The following OPCML variants were observed in gnomAD, a reference collection of about 807,000 sequenced individuals.
OPCML encodes the protein opioid binding protein/cell adhesion molecule like.
OPCML carries 13 observed loss-of-function variants against 37.8 expected under a neutral mutation model. The ratio of observed to expected loss-of-function variants is 0.34; its 90% CI spans 0.22 to 0.55. The LOEUF (loss-of-function observed/expected upper bound fraction) is 0.55, where lower values mean the gene tolerates loss of function less well. OPCML is among the 20% of genes least tolerant of loss of function. OPCML has a pLI of 0.91. For missense variants in OPCML, 341 were observed against 435.6 expected (o/e 0.78, Z 1.93); for synonymous variants, 176 against 168.8 (o/e 1.04, Z -0.33).
At chr11:132,824,668 A>G (rs891754759) in intron 2 of OPCML, among the ~76,000 whole-genome samples, 25 of 152,178 alleles carry the variant, frequency 1.6e-4, no homozygotes, top group African/African-American at 6.0e-4. Flanking sequence ...CTGTGTGTTC[A>G]CACATTCCCC....
intron 2 of OPCML, among the ~76,000 whole-genome samples, chr11:132,921,699 C>G (rs1944809371): frequency 6.6e-6 from 1 of 152,128 alleles, no homozygotes; most frequent in South Asian, 2.1e-4. Context: ...TTATAAGACA[C>G]CCACAAACCC....
chr11:133,317,113 A>T (rs1943221112), intron 1 of OPCML, among the ~76,000 whole-genome samples: 1 of 152,180 alleles, frequency 6.6e-6, no homozygotes, highest in East Asian at 1.9e-4. Flanking sequence ...CCCAAGAATC[A>T]CCTGAACCCA....
chr11:133,287,156 T>A (rs1592168650), intron 1 of OPCML, among the ~76,000 whole-genome samples: 1 of 152,150 alleles, frequency 6.6e-6, no homozygotes, highest in African/African-American at 2.4e-5. Context: ...CATATAATTT[T>A]AAGTGTTCTA....
chr11:132,589,263 A>G (rs2096480050), intron 3 of OPCML, among the ~76,000 whole-genome samples: 1 of 152,086 alleles, frequency 6.6e-6, no homozygotes, highest in African/African-American at 2.4e-5. Context: ...CCCTCACCCA[A>G]CACCACTTTA....
intron 2 of OPCML, among the ~76,000 whole-genome samples, chr11:132,800,404 G>GTTTGT (rs1268850592): frequency 6.6e-6 from 1 of 152,006 alleles, no homozygotes; most frequent in East Asian, 1.9e-4. Flanking sequence ...ATGTTTGTTT[G>GTTTGT]TTTGTTTTTA....
intron 1 of OPCML, among the ~76,000 whole-genome samples, chr11:133,259,410 A>G (rs533654287): frequency 4.5e-4 from 68 of 152,306 alleles, no homozygotes; most frequent in African/African-American, 1.6e-3. Context: ...TGGCTGAGTT[A>G]AGATTTGTAC....
chr11:132,838,108 T>C (rs1274719508), intron 2 of OPCML, among the ~76,000 whole-genome samples: 1 of 152,194 alleles, frequency 6.6e-6, no homozygotes, highest in Non-Finnish European at 1.5e-5. Flanking sequence ...ATGTTCACTC[T>C]GGTATTTTCA....
chr11:132,500,035 C>T (rs978353896), intron 4 of OPCML, among the ~76,000 whole-genome samples: 2 of 152,164 alleles, frequency 1.3e-5, no homozygotes, highest in African/African-American at 4.8e-5. Flanking sequence ...TCTGGAGTGG[C>T]TTAATCACCT....
intron 1 of OPCML, among the ~76,000 whole-genome samples, chr11:133,147,454 T>C (rs1246011055): frequency 6.6e-6 from 1 of 152,062 alleles, no homozygotes; most frequent in African/African-American, 2.4e-5. Flanking sequence ...CCTACCCGCT[T>C]CAAAACAGGA....
At chr11:132,881,183 G>A (rs1006287003) in intron 2 of OPCML, among the ~76,000 whole-genome samples, 2 of 152,218 alleles carry the variant, frequency 1.3e-5, no homozygotes, top group Admixed American at 6.5e-5. Flanking sequence ...AGGAGAGGAT[G>A]AGATCTCCAA....
intron 1 of OPCML, among the ~76,000 whole-genome samples, chr11:133,371,765 A>G (rs1307504180): frequency 6.6e-6 from 1 of 152,210 alleles, no homozygotes; most frequent in Non-Finnish European, 1.5e-5. Flanking sequence ...GCAGTGTGAA[A>G]TAGACTAATA....
chr11:133,295,470 A>G (rs931878906), intron 1 of OPCML, among the ~76,000 whole-genome samples: 2 of 152,188 alleles, frequency 1.3e-5, no homozygotes, highest in African/African-American at 4.8e-5. Context: ...ACAACTTCCT[A>G]TTGCAGAATC....
intron 3 of OPCML, among the ~76,000 whole-genome samples, chr11:132,612,273 C>A (rs965469676): frequency 6.6e-6 from 1 of 152,110 alleles, no homozygotes; most frequent in African/African-American, 2.4e-5. Context: ...GAAGTATTAA[C>A]TTTTTACATT....
intron 2 of OPCML, among the ~76,000 whole-genome samples, chr11:132,846,775 T>C (rs1244218396): frequency 6.6e-6 from 1 of 152,232 alleles, no homozygotes; most frequent in African/African-American, 2.4e-5. Flanking sequence ...TACTCAATTT[T>C]GTAAACTTCT....
intron 2 of OPCML, among the ~76,000 whole-genome samples, chr11:132,834,578 A>T (rs1302235240): frequency 1.3e-5 from 2 of 152,108 alleles, no homozygotes; most frequent in Admixed American, 6.5e-5. Context: ...CACAGTTCTA[A>T]TATCTGCCTC....
intron 2 of OPCML, among the ~76,000 whole-genome samples, chr11:132,677,571 T>C (rs1350881574): frequency 2.0e-5 from 3 of 152,122 alleles, no homozygotes; most frequent in Non-Finnish European, 4.4e-5. Flanking sequence ...TCCAAGTAAA[T>C]GGGACAGAAT....
intron 1 of OPCML, among the ~76,000 whole-genome samples, chr11:133,267,289 G>C (rs1413566730): frequency 2.0e-5 from 3 of 152,042 alleles, no homozygotes; most frequent in Admixed American, 2.0e-4. Context: ...TTACAGACTT[G>C]AGCCTCGGTA....
chr11:132,451,476 T>C (rs2096068232), intron 4 of OPCML, among the ~76,000 whole-genome samples: 3 of 152,180 alleles, frequency 2.0e-5, no homozygotes, highest in Non-Finnish European at 2.9e-5. Context: ...CAGTCCTTTA[T>C]GCAGCTGGTC....
chr11:133,070,410 A>G (rs150356608), intron 1 of OPCML, among the ~76,000 whole-genome samples: 12 of 152,264 alleles, frequency 7.9e-5, no homozygotes, highest in East Asian at 1.9e-4. Context: ...ACCCTGGTCC[A>G]TTTAGGCTCA....
Sources: allele counts gnomAD v4.1 joint callset (sites outside exome capture counted in the v4.1 genomes callset), GRCh38; gene constraint gnomAD v4.1.1; transcripts MANE v1.5; gene names NCBI Gene and HGNC (gene_info 2026-07-23, HGNC 2026-07-21).